KIF26B: variants seen among roughly 807,000 people sequenced by gnomAD.
KIF26B encodes the protein kinesin-like protein KIF26B.
A neutral mutation model predicts 151.2 loss-of-function variants in KIF26B; 63 were observed. The observed-to-expected ratio is 0.42, with a 90% CI of 0.34 to 0.51. The LOEUF (loss-of-function observed/expected upper bound fraction) is 0.51. Among genes scored for constraint, KIF26B ranks in the 20% least tolerant of loss-of-function variants. KIF26B has a pLI of 0.07. For missense variants in KIF26B, 2,813 were observed against 2,913.6 expected, an observed-to-expected ratio of 0.97 and a Z score of 0.79; for synonymous variants, 1,357 against 1,262.1, an observed-to-expected ratio of 1.08 and a Z score of -1.59.
At chr1:245,550,749 TAA>T (rs1661862977) in intron 5 of KIF26B, among the ~76,000 whole-genome samples, 1 of 152,224 alleles carries the variant, frequency 6.6e-6, no homozygotes, top group African/African-American at 2.4e-5. Flanking sequence ...AACCAATTTG[TAA>T]ACTCCTCACT....
chr1:245,474,440 C>T (rs1659986431), intron 4 of KIF26B, among the ~76,000 whole-genome samples: 1 of 135,456 alleles, frequency 7.4e-6, no homozygotes, highest in East Asian at 2.3e-4. Context: ...TTTTTGGAGT[C>T]TCACTCTGTC....
At chr1:245,525,211 A>C (rs948256555) in intron 4 of KIF26B, among the ~76,000 whole-genome samples, 1 of 152,210 alleles carries the variant, frequency 6.6e-6, no homozygotes, top group Non-Finnish European at 1.5e-5. Flanking sequence ...CTCTAAATGA[A>C]GATCTAAGCC....
At chr1:245,402,782 G>T (rs1043960120) in intron 3 of KIF26B, among the ~76,000 whole-genome samples, 1 of 152,144 alleles carries the variant, frequency 6.6e-6, no homozygotes, top group Admixed American at 6.6e-5. Context: ...CTGGGCTAAG[G>T]CCGGTCTAGG....
At chr1:245,460,130 C>G (rs1251820769) in intron 4 of KIF26B, among the ~76,000 whole-genome samples, 1 of 152,086 alleles carries the variant, frequency 6.6e-6, no homozygotes, top group African/African-American at 2.4e-5. Context: ...AAGTGCCTGG[C>G]TAATTTTTGT....
At position 245,244,756 on chromosome 1, in the gene KIF26B, TCACACA is replaced by T. The variant is rs55638619; in HGVS notation, c.465+88104_465+88109del. Among the ~76,000 whole-genome samples, 1,976 of 144,454 alleles carry T rather than the reference TCACACA, an allele frequency of 0.014. 38 individuals are homozygous for T. The highest frequency in any genetic ancestry group is 0.047 in the African/African-American group (1,838 of 39,228). The allele number at this position is 144,454 out of a possible 152,430, so 94.8% of individuals were successfully genotyped here. On this transcript the variant is annotated intron_variant, in intron 2 of 14. Transcript: ENST00000407071. This position sits in a 1 kb window ranked among gnomAD's most constrained non-coding sequence, Gnocchi z 4.2. The stretch of plus-strand genomic sequence containing the variant: ...AGAAGGAACACACAGACACGCACAC[TCACACA>T]CACACACACACACACACACACACAC...
At chr1:245,369,195 G>GAC (rs1553268130) in intron 3 of KIF26B, among the ~76,000 whole-genome samples, 210 of 129,608 alleles carry the variant, frequency 1.6e-3, no homozygotes, top group African/African-American at 6.3e-3. Flanking sequence ...GAGAGAGAGA[G>GAC]AGACAGACAG....
intron 3 of KIF26B, among the ~76,000 whole-genome samples, chr1:245,390,921 C>CAAAAAAAAAAAAAAAAAAAAA (rs796799193): frequency 3.0e-4 from 4 of 13,448 alleles, no homozygotes; most frequent in African/African-American, 1.8e-3. Flanking sequence ...GACCCTGTCT[C>CAAAAAAAAAAAAAAAAAAAAA]AAAAAAAAAA....
In KIF26B at chr1:245,439,310, G is replaced by C. The variant is rs571837801; in HGVS notation, c.1166+19565G>C. ...TACAGTGAGCCATGATTGTACCACT[G>C]TACTCGAGCCTGGGCAAAGGAACAA... is the stretch of plus-strand genomic sequence containing the variant. On this transcript the variant is annotated intron_variant, in intron 4 of 14. Transcript: ENST00000407071. 4.1e-5 allele frequency among the ~76,000 whole-genome samples: 6 copies of C among 146,372 alleles called. No homozygotes were observed. In the East Asian group the frequency reaches 1.2e-3, roughly 29 times the overall value.
intron 2 of KIF26B, among the ~76,000 whole-genome samples, chr1:245,165,348 G>A (rs73125018): frequency 1.7e-4 from 26 of 152,336 alleles, no homozygotes; most frequent in African/African-American, 4.8e-4. Flanking sequence ...GGGTGGTGCT[G>A]CCAGTTATGG....
chr1:245,336,202 T>A (rs1246256415), intron 2 of KIF26B, among the ~76,000 whole-genome samples: 1 of 152,208 alleles, frequency 6.6e-6, no homozygotes, highest in Non-Finnish European at 1.5e-5. Flanking sequence ...CAGGGATTGC[T>A]GTTCCACTCT....
At chr1:245,666,096 GT>G (rs2044211339) in intron 10 of KIF26B, among the ~76,000 whole-genome samples, 2 of 147,998 alleles carry the variant, frequency 1.4e-5, no homozygotes, top group Non-Finnish European at 3.0e-5. Context: ...TGCCTCCTGG[GT>G]TTAAGCAATT....
At chr1:245,277,155 A>G (rs1221546908) in intron 2 of KIF26B, among the ~76,000 whole-genome samples, 1 of 152,196 alleles carries the variant, frequency 6.6e-6, no homozygotes, top group Admixed American at 6.5e-5. Context: ...CACTTTGCTG[A>G]CACCTTTGAT....
rs188706698 is a variant in KIF26B, at chr1:245,347,365, C to G, written c.466-19469C>G. Reference sequence around the variant, plus strand: ...GTCTTACCTGTCACCCAGGCTGGAGCGTAGTGGCGTAACCACAGCTCACTG... The same window carrying G: ...GTCTTACCTGTCACCCAGGCTGGAGGGTAGTGGCGTAACCACAGCTCACTG... On this transcript the variant is annotated intron_variant, in intron 2 of 14. Transcript: ENST00000407071. Among the ~76,000 whole-genome samples, 238 of 151,986 alleles carry G rather than the reference C, an allele frequency of 1.6e-3. 2 individuals are homozygous for G. The highest frequency in any genetic ancestry group is 9.6e-3 in the South Asian group (46 of 4,798).
intron 12 of KIF26B, among the ~76,000 whole-genome samples, chr1:245,689,867 C>T (rs1428090944): frequency 1.3e-5 from 2 of 152,132 alleles, no homozygotes; most frequent in East Asian, 3.9e-4. Context: ...CAGTCTTTGT[C>T]ATTTTTAAGA....
chr1:245,303,356 G>T lies in KIF26B; in HGVS notation c.466-63478G>T, dbSNP rs556024199. On this transcript the variant is annotated intron_variant, in intron 2 of 14. Coordinates refer to ENST00000407071, the MANE Select transcript of KIF26B (RefSeq NM_018012.4). ...TGGGACTACAGGTGCCCGCCACCACGCCCGGCTAATTTTTTGTATTTTTAG... is the reference window on the plus strand; with the variant it reads ...TGGGACTACAGGTGCCCGCCACCACTCCCGGCTAATTTTTTGTATTTTTAG... Among the ~76,000 whole-genome samples, 979 of 151,088 alleles carry T rather than the reference G, an allele frequency of 6.5e-3. 14 individuals are homozygous for T. Among genetic ancestry groups the T allele is most frequent in the African/African-American group, 0.023 (932 of 40,900 alleles).
intron 5 of KIF26B, among the ~76,000 whole-genome samples, chr1:245,566,158 G>A (rs2043008347): frequency 6.6e-6 from 1 of 152,190 alleles, no homozygotes; most frequent in Admixed American, 6.5e-5. Context: ...AGATTTGGAG[G>A]GGCAAACCTC....
chr1:245,222,111 A>T (rs1438008690), intron 2 of KIF26B, among the ~76,000 whole-genome samples: 2 of 152,166 alleles, frequency 1.3e-5, no homozygotes, highest in Non-Finnish European at 2.9e-5. Context: ...GAAATATCAC[A>T]TGCCAACTTA....
intron 2 of KIF26B, among the ~76,000 whole-genome samples, chr1:245,345,939 T>C (rs950084286): frequency 1.4e-4 from 21 of 150,554 alleles, no homozygotes; most frequent in Admixed American, 2.6e-4. Flanking sequence ...TTCTTTCTTT[T>C]TTTTTTTTTT....
chr1:245,369,223 T>G (rs1479493595), intron 3 of KIF26B, among the ~76,000 whole-genome samples: 2 of 150,384 alleles, frequency 1.3e-5, no homozygotes, highest in Non-Finnish European at 3.0e-5. Flanking sequence ...GACAGTTTAG[T>G]CTCTTGATCT....
Sources: gnomAD v4.1 joint callset for allele counts (sites outside exome capture counted in the v4.1 genomes callset) on GRCh38, gnomAD v4.1.1 for gene constraint, Gnocchi (gnomAD v3.1) non-coding constraint, MANE v1.5 for transcripts, NCBI Gene and HGNC (gene_info 2026-07-23, HGNC 2026-07-21) for gene names.